The following CDH13 variants were observed in gnomAD, a reference collection of about 807,000 sequenced individuals.
CDH13 encodes the protein cadherin 13.
In CDH13, 24 loss-of-function variants were observed where a neutral mutation model predicts 63.8. The observed-to-expected ratio is 0.38, with a 90% CI of 0.27 to 0.53. CDH13 has a LOEUF of 0.53. CDH13 is among the 20% of genes least tolerant of loss of function. The pLI, the probability that CDH13 is intolerant of heterozygous loss-of-function variation, is 0.85. For missense variants in CDH13, 1,049 were observed against 903.1 expected (o/e 1.16, Z -2.07); for synonymous variants, 503 against 355.3 (o/e 1.42, Z -4.67).
intron 7 of CDH13, among the ~76,000 whole-genome samples, chr16:83,516,239 C>G (rs545526250): frequency 1.3e-5 from 2 of 152,142 alleles, no homozygotes; most frequent in African/African-American, 4.8e-5. Flanking sequence ...GAATGAGAAG[C>G]AAAAGCAATT....
chr16:82,943,213 CTT>C (rs897300176), intron 2 of CDH13, among the ~76,000 whole-genome samples: 1 of 152,114 alleles, frequency 6.6e-6, no homozygotes, highest in Non-Finnish European at 1.5e-5. Flanking sequence ...CTGTTACAGA[CTT>C]TTTTTCTCAT....
At chr16:82,818,114 T>TTGTTGTG (rs113494212) in intron 1 of CDH13, among the ~76,000 whole-genome samples, 109 of 149,360 alleles carry the variant, frequency 7.3e-4, no homozygotes, top group Admixed American at 1.1e-3. Context: ...ACATGTATGG[T>TTGTTGTG]TGTGTGTGTG....
At chr16:83,260,130 A>ACACACACG (rs1242150022) in intron 5 of CDH13, among the ~76,000 whole-genome samples, 26 of 149,620 alleles carry the variant, frequency 1.7e-4, no homozygotes, top group Admixed American at 4.0e-4. Context: ...ACACACACAC[A>ACACACACG]CACACACACA....
chr16:83,413,390 A>G (rs7206458), intron 6 of CDH13, among the ~76,000 whole-genome samples: 1 of 151,992 alleles, frequency 6.6e-6, no homozygotes, highest in Non-Finnish European at 1.5e-5. Context: ...AATTATTATC[A>G]GTCACTCCTC....
chr16:83,300,720 C>G (rs1276941053), intron 5 of CDH13, among the ~76,000 whole-genome samples: 3 of 152,148 alleles, frequency 2.0e-5, no homozygotes, highest in Non-Finnish European at 4.4e-5. Flanking sequence ...TTAATATTTT[C>G]TAATGGTTGA....
chr16:82,792,051 G>C (rs2036334080), intron 1 of CDH13, among the ~76,000 whole-genome samples: 1 of 152,150 alleles, frequency 6.6e-6, no homozygotes, highest in Admixed American at 6.5e-5. Flanking sequence ...ACCCGCTGCT[G>C]TCCCCTCCTT....
chr16:83,446,733 T>C (rs777987915), intron 6 of CDH13, among the ~76,000 whole-genome samples: 59 of 152,148 alleles, frequency 3.9e-4, no homozygotes, highest in Admixed American at 6.5e-4. Context: ...TCTAGTCTGC[T>C]ACAACATGGA....
chr16:83,268,617 T>A (rs929537250), intron 5 of CDH13, among the ~76,000 whole-genome samples: 1 of 152,214 alleles, frequency 6.6e-6, no homozygotes, highest in Non-Finnish European at 1.5e-5. Context: ...ACAAGTGACA[T>A]GAAGTGAAAT....
At chr16:82,915,147 C>G (rs886105525) in intron 2 of CDH13, among the ~76,000 whole-genome samples, 9 of 152,216 alleles carry the variant, frequency 5.9e-5, no homozygotes, top group African/African-American at 2.2e-4. Context: ...GCAAAATGGT[C>G]TAATTTGGTG....
At chr16:83,154,714 TAGACAC>T (rs2037135628) in intron 4 of CDH13, among the ~76,000 whole-genome samples, 1 of 152,156 alleles carries the variant, frequency 6.6e-6, no homozygotes, top group South Asian at 2.1e-4. Flanking sequence ...AAAAATTAAT[TAGACAC>T]AGACCCTGCC....
chr16:82,747,950 G>A (rs1277378391), intron 1 of CDH13, among the ~76,000 whole-genome samples: 2 of 152,192 alleles, frequency 1.3e-5, no homozygotes, highest in African/African-American at 2.4e-5. Context: ...CACAATTTTA[G>A]ATAGTTGATA....
At chr16:83,785,376 C>T (rs1357947684) in intron 13 of CDH13, among the ~76,000 whole-genome samples, 1 of 151,792 alleles carries the variant, frequency 6.6e-6, no homozygotes, top group African/African-American at 2.4e-5. Context: ...TGGGGCATCT[C>T]ATCCCATCCC....
intron 3 of CDH13, among the ~76,000 whole-genome samples, chr16:83,120,817 A>T (rs1480299510): frequency 7.5e-6 from 1 of 132,752 alleles, no homozygotes; most frequent in Admixed American, 8.0e-5. Flanking sequence ...AGGCTGGAGT[A>T]CAGTGGCGCG....
chr16:82,929,582 G>A (rs1326037179), intron 2 of CDH13, among the ~76,000 whole-genome samples: 1 of 146,340 alleles, frequency 6.8e-6, no homozygotes, highest in East Asian at 2.0e-4. Flanking sequence ...AACTCGGGAG[G>A]CGGAGCTTGC....
chr16:83,571,278 A>T (rs984788274), intron 7 of CDH13, among the ~76,000 whole-genome samples: 1 of 152,162 alleles, frequency 6.6e-6, no homozygotes, highest in Non-Finnish European at 1.5e-5. Flanking sequence ...AAAGATGGAA[A>T]ATTGTCACAT....
intron 10 of CDH13, among the ~76,000 whole-genome samples, chr16:83,736,884 G>A (rs991980653): frequency 3.3e-4 from 50 of 152,328 alleles, no homozygotes; most frequent in Middle Eastern, 3.4e-3. Flanking sequence ...GAAACTAGGA[G>A]CAGACTTGCT....
intron 12 of CDH13, among the ~76,000 whole-genome samples, chr16:83,781,061 C>G (rs146405924): frequency 1.3e-5 from 2 of 152,202 alleles, no homozygotes; most frequent in East Asian, 3.9e-4. Flanking sequence ...TTTTCAAATC[C>G]TTGGCCACCA....
chr16:83,139,710 A>T (rs931447999), intron 4 of CDH13, among the ~76,000 whole-genome samples: 5 of 152,188 alleles, frequency 3.3e-5, no homozygotes, highest in African/African-American at 9.7e-5. Flanking sequence ...AAATAATAAT[A>T]TAAAAATATC....
At chr16:83,684,670 A>T (rs1001439967) in intron 10 of CDH13, among the ~76,000 whole-genome samples, 1 of 152,226 alleles carries the variant, frequency 6.6e-6, no homozygotes, top group African/African-American at 2.4e-5. Flanking sequence ...ACTTCTGCCT[A>T]CACTTTGAAT....
Sources: allele counts gnomAD v4.1 joint callset (sites outside exome capture counted in the v4.1 genomes callset), GRCh38; gene constraint gnomAD v4.1.1; transcripts MANE v1.5; gene names NCBI Gene and HGNC (gene_info 2026-07-23, HGNC 2026-07-21).